Variants in VWC2 observed in about 807,000 individuals in gnomAD.
The protein encoded by VWC2 is brorin.
VWC2 carries 14 observed loss-of-function variants against 29.8 expected under a neutral mutation model. The observed-to-expected ratio is 0.47, with a 90% CI of 0.31 to 0.74. The LOEUF is 0.74. Ranked by LOEUF, VWC2 falls within the 30% of genes least tolerant of loss-of-function variation. The probability of loss-of-function intolerance (pLI) is 0.05; values close to 1 mark genes in which losing one functional copy is unlikely to be tolerated. For synonymous variants in VWC2, 213 were observed against 199.0 expected (o/e 1.07, Z -0.59); for missense variants, 457 against 459.8 (o/e 0.99, Z 0.05).
intron 3 of VWC2, among the ~76,000 whole-genome samples, chr7:49,843,837 A>T (rs1031588874): frequency 6.6e-6 from 1 of 152,224 alleles, no homozygotes; most frequent in Non-Finnish European, 1.5e-5. Flanking sequence ...TAGAAAACGC[A>T]ATCTGTCAGT....
chr7:49,853,649 G>A (rs184825534), intron 3 of VWC2, among the ~76,000 whole-genome samples: 71 of 151,880 alleles, frequency 4.7e-4, no homozygotes, highest in Middle Eastern at 6.8e-3. Flanking sequence ...GTTTATGAAC[G>A]TTTGTTTTTC....
chr7:49,792,687 G>A (rs1788491751), intron 2 of VWC2, among the ~76,000 whole-genome samples: 1 of 152,184 alleles, frequency 6.6e-6, no homozygotes, highest in Admixed American at 6.5e-5. Context: ...TGTCCTGGCG[G>A]CCAGAGGTCT....
intron 2 of VWC2, among the ~76,000 whole-genome samples, chr7:49,794,111 T>A (rs1326595473): frequency 6.6e-6 from 1 of 152,182 alleles, no homozygotes; most frequent in Non-Finnish European, 1.5e-5. Flanking sequence ...AAGCAAGAAT[T>A]TCTGTCACTC....
chr7:49,910,568 T>G (rs1479008157), intron 3 of VWC2, among the ~76,000 whole-genome samples: 2 of 151,400 alleles, frequency 1.3e-5, no homozygotes, highest in African/African-American at 4.9e-5. Flanking sequence ...GAATGAGATC[T>G]ACAGGTATGA....
At chr7:49,888,761 A>C (rs1245401010) in intron 3 of VWC2, among the ~76,000 whole-genome samples, 3 of 152,074 alleles carry the variant, frequency 2.0e-5, no homozygotes, top group African/African-American at 7.2e-5. Context: ...AAATACAAAA[A>C]TTAGCCAGGC....
intron 3 of VWC2, among the ~76,000 whole-genome samples, chr7:49,831,774 A>C (rs1360986814): frequency 1.3e-5 from 2 of 152,238 alleles, no homozygotes; most frequent in African/African-American, 4.8e-5. Context: ...ACCCAAACTT[A>C]GCAAGAAGAG....
chr7:49,831,609 C>T (rs1206032976), intron 3 of VWC2, among the ~76,000 whole-genome samples: 3 of 152,170 alleles, frequency 2.0e-5, no homozygotes, highest in Non-Finnish European at 4.4e-5. Context: ...GTGAAACAGA[C>T]ACTAAGGAAG....
intron 3 of VWC2, among the ~76,000 whole-genome samples, chr7:49,890,264 T>A (rs1792072658): frequency 6.6e-6 from 1 of 152,314 alleles, no homozygotes; most frequent in Non-Finnish European, 1.5e-5. Context: ...ACTTTGAAAT[T>A]CTATTATATA....
intron 3 of VWC2, among the ~76,000 whole-genome samples, chr7:49,821,461 T>C (rs1273242189): frequency 6.6e-6 from 1 of 152,252 alleles, no homozygotes; most frequent in South Asian, 2.1e-4. Flanking sequence ...TAGATTAACA[T>C]GACTCATTTT....
chr7:49,912,591 G>C lies in VWC2; in HGVS notation c.*406G>C. The C allele has an allele frequency of 6.3e-6, 1 of 157,678 alleles. No homozygotes were observed. 9.8% of individuals were successfully genotyped at this position (157,678 alleles called of 1,614,324 possible). ...TTTCAGTTCTGATTCCATCACCCAG[G>C]AATGTTCCCCCTGCACATTTTCACA... On this transcript the variant is annotated 3_prime_UTR_variant, in exon 4 of 4. Coordinates refer to ENST00000340652, the MANE Select transcript of VWC2 (RefSeq NM_198570.5).
At chr7:49,875,729 CTTTG>C (rs1791390107) in intron 3 of VWC2, among the ~76,000 whole-genome samples, 1 of 152,120 alleles carries the variant, frequency 6.6e-6, no homozygotes, top group African/African-American at 2.4e-5. Flanking sequence ...ATGAGAATTA[CTTTG>C]TTTAACAGGC....
At chr7:49,897,821 AG>A (rs1172934332) in intron 3 of VWC2, among the ~76,000 whole-genome samples, 2 of 152,252 alleles carry the variant, frequency 1.3e-5, no homozygotes, top group African/African-American at 4.8e-5. Context: ...ACAGGGATTC[AG>A]TCATAGGGTC....
At chr7:49,908,905 T>G (rs1332809099) in intron 3 of VWC2, among the ~76,000 whole-genome samples, 1 of 152,210 alleles carries the variant, frequency 6.6e-6, no homozygotes. Flanking sequence ...AGATTTTATA[T>G]TCTACAGTAA....
At chr7:49,788,911 AGTGT>A (rs964345121) in intron 2 of VWC2, among the ~76,000 whole-genome samples, 4 of 125,776 alleles carry the variant, frequency 3.2e-5, no homozygotes, top group Non-Finnish European at 5.1e-5. Flanking sequence ...TGGGTGTGAG[AGTGT>A]GTGTGGCCTG....
At chr7:49,866,169 A>T (rs1790882812) in intron 3 of VWC2, among the ~76,000 whole-genome samples, 1 of 151,988 alleles carries the variant, frequency 6.6e-6, no homozygotes, top group Admixed American at 6.5e-5. Flanking sequence ...CCTTCTTTGG[A>T]TTGTTTCTCA....
At chr7:49,830,953 A>G (rs1286074551) in intron 3 of VWC2, among the ~76,000 whole-genome samples, 1 of 152,008 alleles carries the variant, frequency 6.6e-6, no homozygotes. Flanking sequence ...AGTCTTTGCT[A>G]TTGTGAATAG....
Position 49,921,735 on chromosome 7 carries a change from C to T in VWC2, c.*9550C>T, listed in dbSNP as rs946315532. On this transcript the variant is annotated 3_prime_UTR_variant, in exon 4 of 4. Transcript: ENST00000340652. Reference sequence around the variant, plus strand: ...TAAATGAATAATTTAATTTAGTGCTCATTTGAAAAATATTTTATCCTCATG... The same window carrying T: ...TAAATGAATAATTTAATTTAGTGCTTATTTGAAAAATATTTTATCCTCATG... The T allele has an allele frequency of 2.6e-5, 4 of 151,922 alleles. No individual in the cohort carries two copies. The highest frequency in any genetic ancestry group is 5.9e-5 in the Non-Finnish European group (4 of 68,016). 9.4% of individuals were successfully genotyped at this position (151,922 alleles called of 1,614,324 possible).
intron 3 of VWC2, among the ~76,000 whole-genome samples, chr7:49,906,075 T>C (rs1283758100): frequency 6.6e-6 from 1 of 152,152 alleles, no homozygotes; most frequent in Non-Finnish European, 1.5e-5. Flanking sequence ...ACCATAAAAA[T>C]GGGCAGCCAG....
intron 3 of VWC2, among the ~76,000 whole-genome samples, chr7:49,869,026 A>G (rs1274010844): frequency 6.6e-6 from 1 of 152,222 alleles, no homozygotes; most frequent in Non-Finnish European, 1.5e-5. Context: ...AATTAAGAAA[A>G]TATTAGTTGT....
Sources: gnomAD v4.1 joint callset for allele counts (sites outside exome capture counted in the v4.1 genomes callset) on GRCh38, gnomAD v4.1.1 for gene constraint, MANE v1.5 for transcripts, NCBI Gene and HGNC (gene_info 2026-07-23, HGNC 2026-07-21) for gene names.